Variants in STK33 observed in about 807,000 individuals in gnomAD.
STK33 encodes serine/threonine-protein kinase 33.
In STK33, 52 loss-of-function variants were observed where a neutral mutation model predicts 58.0. The ratio of observed to expected loss-of-function variants is 0.90; its 90% CI spans 0.72 to 1.13. The LOEUF (loss-of-function observed/expected upper bound fraction) is 1.13. STK33 is among the 50% of genes most tolerant of loss of function. The pLI is 0.00. For synonymous variants in STK33, 215 were observed against 200.1 expected (o/e 1.07, Z -0.63); for missense variants, 630 against 604.2 (o/e 1.04, Z -0.45).
intron 15 of STK33, among the ~76,000 whole-genome samples, chr11:8,400,374 G>T (rs1564855975): frequency 6.6e-6 from 1 of 152,154 alleles, no homozygotes; most frequent in African/African-American, 2.4e-5. Context: ...AAAACCATAT[G>T]ATTATCTCAA....
chr11:8,516,202 A>T (rs750059715), intron 1 of STK33, among the ~76,000 whole-genome samples: 44 of 152,248 alleles, frequency 2.9e-4, no homozygotes, highest in Admixed American at 4.6e-4. Flanking sequence ...TGCCATAAAG[A>T]TAAACATATT....
chr11:8,493,953 T>C (rs1950847272), intron 1 of STK33, among the ~76,000 whole-genome samples: 1 of 152,146 alleles, frequency 6.6e-6, no homozygotes, highest in Admixed American at 6.5e-5. Flanking sequence ...TATCTCAAAA[T>C]AATAAGAGCT....
the STK33 span, among the ~76,000 whole-genome samples, chr11:8,382,304 G>C: frequency 6.6e-6 from 1 of 152,352 alleles, no homozygotes; most frequent in Non-Finnish European, 1.5e-5. Context: ...CTGACCAGAG[G>C]CTGCACAGTC....
At chr11:8,557,189 G>T (rs9704806) in intron 1 of STK33, among the ~76,000 whole-genome samples, 27,238 of 76,802 alleles carry the variant, frequency 0.35, 4,993 homozygotes, top group African/African-American at 0.45. Context: ...AGGTCAAGGC[G>T]GCAGTGAGCC....
At chr11:8,425,261 G>C (rs1942568805) in intron 14 of STK33, among the ~76,000 whole-genome samples, 1 of 152,120 alleles carries the variant, frequency 6.6e-6, no homozygotes, top group Non-Finnish European at 1.5e-5. Context: ...CCCATTTCTT[G>C]TTTTTGTCAG....
chr11:8,567,460 T>C (rs1363997474), intron 1 of STK33, among the ~76,000 whole-genome samples: 1 of 152,178 alleles, frequency 6.6e-6, no homozygotes, highest in Admixed American at 6.5e-5. Context: ...TGGAGGCAAA[T>C]AATAATTTCA....
chr11:8,511,616 G>C (rs1952331922), intron 1 of STK33, among the ~76,000 whole-genome samples: 1 of 152,128 alleles, frequency 6.6e-6, no homozygotes, highest in African/African-American at 2.4e-5. Context: ...CTGTGGTTTT[G>C]TCATAGTTGG....
At chr11:8,496,028 C>A (rs1272690987) in intron 1 of STK33, among the ~76,000 whole-genome samples, 1 of 151,948 alleles carries the variant, frequency 6.6e-6, no homozygotes, top group African/African-American at 2.4e-5. Context: ...AGCAAACCAA[C>A]ATGGTTCACG....
At chr11:8,546,644 AT>A (rs1264609641) in intron 1 of STK33, among the ~76,000 whole-genome samples, 2 of 134,530 alleles carry the variant, frequency 1.5e-5, no homozygotes, top group East Asian at 4.3e-4. Context: ...CTCTACTTCC[AT>A]GGCATTAACT....
At position 8,430,804 on chromosome 11, in the gene STK33, C is replaced by CGG. The variant is rs1437926182; in HGVS notation, c.1146+4689_1146+4690insCC. On this transcript the variant is annotated intron_variant, in intron 14 of 15. Transcript: ENST00000687296. ...TATTTGTTGAATTATTGAGTATATA[C>CGG]CAATAATTGAATACTGAGTAAATCC... is the stretch of plus-strand genomic sequence containing the variant. 5.3e-5 allele frequency among the ~76,000 whole-genome samples: 8 copies of CGG among 151,866 alleles called. No individual in the cohort carries two copies. In the East Asian group the frequency reaches 1.5e-3, roughly 29 times the overall value.
intron 5 of STK33, among the ~76,000 whole-genome samples, chr11:8,474,466 G>A (rs1294658299): frequency 6.6e-6 from 1 of 152,114 alleles, no homozygotes; most frequent in Non-Finnish European, 1.5e-5. Flanking sequence ...ATTACCTCAT[G>A]TCCTGAGAAA....
chr11:8,520,639 A>T (rs1010613678), intron 1 of STK33, among the ~76,000 whole-genome samples: 1 of 152,266 alleles, frequency 6.6e-6, no homozygotes, highest in Non-Finnish European at 1.5e-5. Context: ...ATGCAACTTC[A>T]GCAAAGTCTC....
At chr11:8,390,416 G>A (rs1273929845), downstream of STK33, among the ~76,000 whole-genome samples, 1 of 152,180 alleles carries the variant, frequency 6.6e-6, no homozygotes, top group African/African-American at 2.4e-5. Context: ...TGAAATGGAA[G>A]AGCGCCCTTT....
the STK33 span, among the ~76,000 whole-genome samples, chr11:8,360,878 C>G: frequency 1.3e-5 from 2 of 152,218 alleles, no homozygotes; most frequent in African/African-American, 4.8e-5. Context: ...TTTTAAAGGT[C>G]TCACTTGCTT....
intron 9 of STK33, among the ~76,000 whole-genome samples, chr11:8,455,825 A>AG (rs1329776251): frequency 6.6e-6 from 1 of 151,122 alleles, no homozygotes; most frequent in East Asian, 1.9e-4. Flanking sequence ...AAAAAAAAAA[A>AG]AAAAAAAAAA....
the STK33 span, among the ~76,000 whole-genome samples, chr11:8,381,687 G>A: frequency 5.3e-5 from 8 of 152,126 alleles, no homozygotes; most frequent in Non-Finnish European, 1.2e-4. Context: ...GTACAGTGAG[G>A]GGCTGGACTA....
chr11:8,499,315 G>A (rs1674000692), intron 1 of STK33, among the ~76,000 whole-genome samples: 1 of 152,052 alleles, frequency 6.6e-6, no homozygotes, highest in Non-Finnish European at 1.5e-5. Context: ...CAACAAACAT[G>A]AAAAAATCTC....
At chr11:8,547,074 T>C (rs923899562) in intron 1 of STK33, among the ~76,000 whole-genome samples, 1 of 152,226 alleles carries the variant, frequency 6.6e-6, no homozygotes, top group African/African-American at 2.4e-5. Context: ...CTCACTAGCA[T>C]CTGTTACTTT....
At chr11:8,453,049 T>C in intron 10 of STK33, 143 bp from the exon 11 acceptor site, 1 of 720,094 alleles carries the variant, frequency 1.4e-6, no homozygotes, top group East Asian at 2.6e-5. Flanking sequence ...TTAATAAAAA[T>C]TTTGCATTTC....
Sources: gnomAD v4.1 joint callset for allele counts (sites outside exome capture counted in the v4.1 genomes callset) on GRCh38, gnomAD v4.1.1 for gene constraint, MANE v1.5 for transcripts, NCBI Gene and HGNC (gene_info 2026-07-23, HGNC 2026-07-21) for gene names.